TCOF1: variants seen among roughly 807,000 people sequenced by gnomAD.
TCOF1 encodes treacle protein.
Under a neutral mutation model 149.0 loss-of-function variants are expected in TCOF1, and 33 were observed. The ratio of observed to expected loss-of-function variants is 0.22; its 90% confidence interval spans 0.17 to 0.30. The LOEUF (loss-of-function observed/expected upper bound fraction) is 0.30, where lower values mean the gene tolerates loss of function less well. TCOF1 is among the 10% of genes least tolerant of loss of function. The probability of loss-of-function intolerance (pLI) is 1.00; values close to 1 mark genes in which losing one functional copy is unlikely to be tolerated. For missense variants in TCOF1, 1,728 were observed against 1,840.7 expected (o/e 0.94, Z 1.12); for synonymous variants, 789 against 738.8 (o/e 1.07, Z -1.10).
rs1562358506 is a variant in TCOF1, at chr5:150,375,869, CGGACAGTGA to C, written c.1857_1865del (p.Asp619_Glu621del). On this transcript the variant is annotated inframe_deletion, in exon 12 of 27. Coordinates refer to ENST00000643257, the MANE Select transcript of TCOF1 (RefSeq NM_001371623.1). ...AGCAGCGAGGAGTCATCGGACAGTG[CGGACAGTGA>C]GGAGGCACCAGCAGCCATGACTGCA... 3 of 1,614,120 alleles carry C rather than the reference CGGACAGTGA, an allele frequency of 1.9e-6. No homozygotes were observed.
Position 150,389,870 on chromosome 5 carries a change from A to G in TCOF1, c.3047-17A>G, listed in dbSNP as rs995328448. 2 of 1,614,144 alleles carry G rather than the reference A, an allele frequency of 1.2e-6. No individual in the cohort carries two copies. The highest frequency in any genetic ancestry group is 2.2e-5 in the South Asian group (2 of 91,072). On this transcript the variant is annotated splice_polypyrimidine_tract_variant and intron_variant, in intron 18 of 26. Coordinates refer to ENST00000643257, the MANE Select transcript of TCOF1 (RefSeq NM_001371623.1). ...GGCTTTTGTGCCCTGATGTGCCCCC[A>G]TCTCGCTCCATTTCAGGCATCAGAA... is the stretch of plus-strand genomic sequence containing the variant.
At chr5:150,377,478 C>T (rs1386975840) in intron 14 of TCOF1, among the ~76,000 whole-genome samples, 2 of 152,232 alleles carry the variant, frequency 1.3e-5, no homozygotes, top group Non-Finnish European at 2.9e-5. Flanking sequence ...AGATGGCTCA[C>T]TCCCTGCACT....
intron 17 of TCOF1, chr5:150,385,038 C>G (rs1029728092): frequency 5.1e-6 from 5 of 985,238 alleles, no homozygotes; most frequent in African/African-American, 1.7e-5. Context: ...GTGCTGGGGT[C>G]AGGACAGCTT....
intron 18 of TCOF1, among the ~76,000 whole-genome samples, chr5:150,389,569 T>C: frequency 6.6e-6 from 1 of 152,212 alleles, no homozygotes; most frequent in Non-Finnish European, 1.5e-5. Context: ...CGATTTTAAC[T>C]GCAAGGAGAG....
At chr5:150,369,027 C>G in intron 5 of TCOF1, 125 bp downstream of exon 5, 1 of 1,283,950 alleles carries the variant, frequency 7.8e-7, no homozygotes. Context: ...CAGCCAGGTT[C>G]CTGCATCTTA....
rs748816904 is a variant in TCOF1 at position 150,387,978 on chromosome 5, A to G, written c.2936A>G (p.Gln979Arg). 6.2e-7 allele frequency: 1 copy of G among 1,613,992 alleles called. No individual in the cohort carries two copies. ...AGPAATPAQA[Q>R]AASTPRKARA... ...CCAGCTGCTACACCCGCACAAGCCC[A>G]GGCTGCAAGCACCCCGAGGAAGGCC... The change falls in exon 18 of 27, where the codon CAG (glutamine) becomes CGG (arginine). Residue 979 changes from glutamine to arginine, a missense_variant. Coordinates refer to ENST00000643257, the MANE Select transcript of TCOF1 (RefSeq NM_001371623.1).
intron 1 of TCOF1, among the ~76,000 whole-genome samples, chr5:150,358,321 C>T (rs1173793617): frequency 6.6e-6 from 1 of 152,024 alleles, no homozygotes; most frequent in East Asian, 1.9e-4. Context: ...AGGCCTTTAG[C>T]GATTGTCTGT....
At chr5:150,358,860 C>A (rs116511982) in intron 1 of TCOF1, among the ~76,000 whole-genome samples, 188 of 149,826 alleles carry the variant, frequency 1.3e-3, no homozygotes, top group African/African-American at 3.3e-3. Context: ...AGATGGATGG[C>A]AGATTGCCCT....
In TCOF1 at chr5:150,375,880, G is replaced by A. The variant is rs144872197; in HGVS notation, c.1864G>A (p.Glu622Lys). The change falls in exon 12 of 27, where the codon GAG (glutamate) becomes AAG (lysine). Residue 622 changes from glutamate (E) to lysine (K), a missense_variant. By Grantham distance (56) the Glu-to-Lys change is moderately conservative. This residue lies in a region of TCOF1 where 1,696 missense variants were observed against 1,765.4 expected (regional missense o/e 0.96). Transcript: ENST00000643257. ...EESSDSADSE[E>K]APAAMTAAQA... is the part of the protein sequence containing the mutation. ...GTCATCGGACAGTGCGGACAGTGAG[G>A]AGGCACCAGCAGCCATGACTGCAGC... 1.1e-4 allele frequency: 181 copies of A among 1,614,208 alleles called. 2 individuals carry two copies. In the African/African-American group the frequency reaches 2.2e-3, roughly 20 times the overall value.
Position 150,364,218 on chromosome 5 carries a change from G to A in TCOF1, c.270G>A (p.Glu90=), listed in dbSNP as rs777057497. The A allele has an allele frequency of 1.4e-5, 22 of 1,614,176 alleles. No individual in the cohort carries two copies. In the Admixed American group the frequency reaches 3.7e-4, roughly 27 times the overall value. Residue 90 remains glutamate, a synonymous_variant, in exon 3 of 27, where the codon GAG becomes GAA. Transcript: ENST00000643257. The part of the protein sequence containing the change: ...DPISTSESSE[E]EEEAEAETAK... ...TCAGCACCTCGGAGAGCTCGGAAGA[G>A]GAGGAAGAAGCAGAAGCCGAAACCG...
At chr5:150,360,711 T>A (rs1371199367) in intron 1 of TCOF1, among the ~76,000 whole-genome samples, 1 of 151,886 alleles carries the variant, frequency 6.6e-6, no homozygotes, top group Non-Finnish European at 1.5e-5. Context: ...GCAGACATAC[T>A]TCCCAGAGCA....
chr5:150,377,020 AG>A (rs923045000), intron 14 of TCOF1, among the ~76,000 whole-genome samples: 1 of 152,232 alleles, frequency 6.6e-6, no homozygotes, highest in Non-Finnish European at 1.5e-5. Flanking sequence ...GCAGCATGAC[AG>A]GTGAGAGCAT....
At chr5:150,389,281 A>G (rs1005929721) in intron 18 of TCOF1, among the ~76,000 whole-genome samples, 2 of 152,234 alleles carry the variant, frequency 1.3e-5, no homozygotes, top group African/African-American at 4.8e-5. Context: ...TTTTTAAAGC[A>G]AGACCATACT....
At chr5:150,375,993 C>T in intron 12 of TCOF1, 84 bp downstream of exon 12, 2 of 1,613,818 alleles carry the variant, frequency 1.2e-6, no homozygotes, top group Non-Finnish European at 1.7e-6. Flanking sequence ...CTCCCTCAGG[C>T]AGAGCATGGG....
Position 150,379,033 on chromosome 5 carries a change from T to C in TCOF1, c.2469T>C (p.Ser823=), listed in dbSNP as rs759007014. The C allele has an allele frequency of 1.9e-6, 3 of 1,613,982 alleles. No individual in the cohort carries two copies. The highest frequency in any genetic ancestry group is 2.5e-6 in the Non-Finnish European group (3 of 1,179,972). The change falls in exon 15 of 27, where the codon TCT becomes TCC. Residue 823 remains serine (S), a synonymous_variant. Transcript: ENST00000643257. ...VTAAAQAKQR[S]PSKVKPPVRN... ...CAGCTGCTCAAGCCAAGCAGAGGTC[T>C]CCATCCAAGGCAAGTGGGGCCAGAA...
chr5:150,392,177 G>A lies in TCOF1; in HGVS notation c.3517+1G>A, dbSNP rs745614826. 1 of 1,613,382 alleles carries A rather than the reference G, an allele frequency of 6.2e-7. No individual in the cohort carries two copies. The highest frequency in any genetic ancestry group is 1.3e-5 in the African/African-American group (1 of 75,050). On this transcript the variant is annotated splice_donor_variant, in intron 21 of 26. Transcript: ENST00000643257. LOFTEE classifies it high-confidence loss of function. ...GGGGCCAAGTCAGCCCACACGCTGG[G>A]TGAGGGTGCCAGGGGAAAGGCAAGG...
intron 20 of TCOF1, 129 bp from the exon 21 acceptor site, chr5:150,391,828 G>C: frequency 8.4e-7 from 1 of 1,189,360 alleles, no homozygotes; most frequent in Non-Finnish European, 1.2e-6. Flanking sequence ...TTCGTAGTTG[G>C]AAGGATCAAA....
intron 10 of TCOF1, 24 bp from the exon 11 acceptor site, chr5:150,375,315 A>G: frequency 1.2e-6 from 2 of 1,608,402 alleles, no homozygotes; most frequent in Non-Finnish European, 1.7e-6. Context: ...CTCCCTCCCT[A>G]ATCTTGTCCT....
rs1222411742 is a variant in TCOF1 at position 150,374,399 on chromosome 5, G to A, written c.1083+13G>A. ...GGCCCTGCTTCAGGTGAGGCCTGAG[G>A]AGGGAGACTCCATGCAGCCAGGCCC... is the stretch of plus-strand genomic sequence containing the variant. On this transcript the variant is annotated intron_variant, in intron 8 of 26. Coordinates refer to ENST00000643257, the MANE Select transcript of TCOF1 (RefSeq NM_001371623.1). The A allele has an allele frequency of 3.2e-6, 5 of 1,552,194 alleles. No homozygotes were observed. Among genetic ancestry groups the A allele is most frequent in the Non-Finnish European group, 4.4e-6 (5 of 1,147,730 alleles).
Sources: allele counts gnomAD v4.1 joint callset (sites outside exome capture counted in the v4.1 genomes callset), GRCh38; gene constraint gnomAD v4.1.1; regional missense constraint gnomAD v4.1.1; transcripts MANE v1.5; gene names NCBI Gene and HGNC (gene_info 2026-07-23, HGNC 2026-07-21).